RNF130: variants seen among roughly 807,000 people sequenced by gnomAD.
RNF130 encodes the protein ring finger protein 130.
Under a neutral mutation model 44.6 loss-of-function variants are expected in RNF130, and 21 were observed. The ratio of observed to expected loss-of-function variants is 0.47; its 90% confidence interval spans 0.33 to 0.68. The LOEUF is 0.68. Among genes scored for constraint, RNF130 ranks in the 30% least tolerant of loss-of-function variants. The probability of loss-of-function intolerance (pLI) is 0.02; values close to 1 mark genes in which losing one functional copy is unlikely to be tolerated. For synonymous variants in RNF130, 214 were observed against 210.4 expected, an observed-to-expected ratio of 1.02 and a Z score of -0.15; for missense variants, 479 against 560.6, an observed-to-expected ratio of 0.85 and a Z score of 1.47.
At chr5:179,938,342 G>A (rs1422359801) in intron 7 of RNF130, among the ~76,000 whole-genome samples, 13 of 152,052 alleles carry the variant, frequency 8.5e-5, no homozygotes, top group Admixed American at 2.0e-4. Flanking sequence ...CAATTCATAT[G>A]AAGCACCAGA....
intron 1 of RNF130, among the ~76,000 whole-genome samples, chr5:180,063,470 G>GA (rs903228318): frequency 5.9e-5 from 9 of 152,100 alleles, no homozygotes; most frequent in African/African-American, 1.9e-4. Context: ...ATAGGGAGGT[G>GA]AAAAAATGAA....
In RNF130 at chr5:179,982,137, AATAG is replaced by A. The variant is rs1167182686; in HGVS notation, c.694-1941_694-1938del. Reference sequence around the variant, plus strand: ...AACATCATGAGTTTTACATAAATGGAATAGATACAGTATGTACTACTGTGTGTAC... The same window carrying A: ...AACATCATGAGTTTTACATAAATGGAATACAGTATGTACTACTGTGTGTAC... On this transcript the variant is annotated intron_variant, in intron 3 of 8. Transcript: ENST00000521389. Among the ~76,000 whole-genome samples the A allele has an allele frequency of 6.6e-5, 10 of 152,140 alleles. No individual in the cohort carries two copies. In the East Asian group the frequency reaches 1.5e-3, roughly 24 times the overall value.
chr5:179,987,778 T>G (rs973320601), intron 3 of RNF130, among the ~76,000 whole-genome samples: 2 of 152,260 alleles, frequency 1.3e-5, no homozygotes, highest in Admixed American at 6.5e-5. Flanking sequence ...ACTATTGACT[T>G]GCAAATGCCA....
intron 2 of RNF130, among the ~76,000 whole-genome samples, chr5:180,027,610 A>G (rs1764021239): frequency 6.6e-6 from 1 of 152,106 alleles, no homozygotes; most frequent in Non-Finnish European, 1.5e-5. Context: ...GGACCTTTCT[A>G]TAACCACTGT....
chr5:179,983,229 AG>A (rs1264151098), intron 3 of RNF130, among the ~76,000 whole-genome samples: 3 of 152,118 alleles, frequency 2.0e-5, no homozygotes, highest in Non-Finnish European at 4.4e-5. Flanking sequence ...GCCTATTTCA[AG>A]GTTACAAAGA....
At chr5:180,026,101 A>G (rs1417931064) in intron 2 of RNF130, among the ~76,000 whole-genome samples, 1 of 150,316 alleles carries the variant, frequency 6.7e-6, no homozygotes, top group Non-Finnish European at 1.5e-5. Context: ...CATTCAACTA[A>G]TTTTGTTCAA....
intron 7 of RNF130, among the ~76,000 whole-genome samples, chr5:179,923,143 C>T (rs550406268): frequency 1.4e-4 from 22 of 152,240 alleles, no homozygotes; most frequent in African/African-American, 5.3e-4. Flanking sequence ...TTTTCTCGTA[C>T]ATGTTCATCT....
intron 2 of RNF130, among the ~76,000 whole-genome samples, chr5:180,030,723 C>T (rs1336841607): frequency 6.6e-6 from 1 of 152,148 alleles, no homozygotes; most frequent in African/African-American, 2.4e-5. Flanking sequence ...CCTACACAGC[C>T]ACTAATGTGC....
intron 7 of RNF130, chr5:179,940,222 TTTC>T (rs1761952443): frequency 6.6e-6 from 1 of 152,032 alleles, no homozygotes; most frequent in Non-Finnish European, 1.5e-5. Flanking sequence ...AATTGTTCAC[TTTC>T]TTTTTTTTCT....
Position 179,967,666 on chromosome 5 carries a change from C to T in RNF130, c.946-656G>A, listed in dbSNP as rs144475348. ...TGTAACAATGTGGCTATTTGTTTAC[C>T]TAACAACCTTTGGTTCTCTCAGCAG... On this transcript the variant is annotated intron_variant, in intron 6 of 8. Coordinates refer to ENST00000521389, the MANE Select transcript of RNF130 (RefSeq NM_018434.6). 2.5e-3 allele frequency among the ~76,000 whole-genome samples: 377 copies of T among 151,932 alleles called. 1 individual carries two copies. Among genetic ancestry groups the T allele is most frequent in the African/African-American group, 8.6e-3 (354 of 41,186 alleles).
chr5:180,022,105 T>A (rs555025237), intron 2 of RNF130, among the ~76,000 whole-genome samples: 2 of 152,348 alleles, frequency 1.3e-5, no homozygotes, highest in East Asian at 3.9e-4. Flanking sequence ...CTTTTCAGTG[T>A]ACACCACCAG....
At chr5:179,925,318 C>T (rs1294777742) in intron 7 of RNF130, among the ~76,000 whole-genome samples, 1 of 152,138 alleles carries the variant, frequency 6.6e-6, no homozygotes, top group Non-Finnish European at 1.5e-5. Flanking sequence ...CGTAATGAAG[C>T]CTCCATAAAA....
At chr5:180,069,248 T>TA (rs1561716101) in intron 1 of RNF130, among the ~76,000 whole-genome samples, 3 of 152,214 alleles carry the variant, frequency 2.0e-5, no homozygotes, top group African/African-American at 2.4e-5. Context: ...CGGATTTTTT[T>TA]AAATCTGTTT....
intron 3 of RNF130, among the ~76,000 whole-genome samples, chr5:180,004,003 T>C (rs1231196275): frequency 6.6e-6 from 1 of 152,210 alleles, no homozygotes; most frequent in East Asian, 1.9e-4. Flanking sequence ...AATCATTTTA[T>C]GAGAAAAGAA....
chr5:179,944,993 G>A (rs1309888556), intron 7 of RNF130, among the ~76,000 whole-genome samples: 1 of 152,152 alleles, frequency 6.6e-6, no homozygotes, highest in Non-Finnish European at 1.5e-5. Context: ...AGTTATAACT[G>A]GGCCAGGTGG....
At chr5:180,003,376 T>C (rs1359952934) in intron 3 of RNF130, among the ~76,000 whole-genome samples, 1 of 152,186 alleles carries the variant, frequency 6.6e-6, no homozygotes, top group Non-Finnish European at 1.5e-5. Flanking sequence ...TGAATGCATG[T>C]AGGTTATCTA....
In RNF130 at chr5:180,059,157, G is replaced by C. The variant is rs115439856; in HGVS notation, c.247+12299C>G. 4.9e-4 allele frequency among the ~76,000 whole-genome samples: 75 copies of C among 152,222 alleles called. 1 individual carries two copies. The highest frequency in any genetic ancestry group is 9.6e-4 in the Non-Finnish European group (65 of 68,012). On this transcript the variant is annotated intron_variant, in intron 1 of 8. Coordinates refer to ENST00000521389, the MANE Select transcript of RNF130 (RefSeq NM_018434.6). ...TTTCAAATTCCACAAGTACATCACAGTTTTTGCACCTTTTAGTCTTCGTGT... is the reference window on the plus strand; with the variant it reads ...TTTCAAATTCCACAAGTACATCACACTTTTTGCACCTTTTAGTCTTCGTGT...
intron 7 of RNF130, among the ~76,000 whole-genome samples, chr5:179,932,941 G>A (rs1761830934): frequency 6.6e-6 from 1 of 152,134 alleles, no homozygotes; most frequent in Admixed American, 6.5e-5. Flanking sequence ...AAATTAACAG[G>A]TTTCTGCTGA....
chr5:179,937,933 T>TGAGA lies in RNF130; in HGVS notation c.1151-17511_1151-17508dup, dbSNP rs3078901. ...GTGTGTGTGTGTGTGTGTGTGTGTG[T>TGAGA]GAGAGAGAGAGAGAGAGAGAGAGAG... On this transcript the variant is annotated intron_variant, in intron 7 of 7. Transcript: ENST00000522208. 5.6e-3 allele frequency among the ~76,000 whole-genome samples: 648 copies of TGAGA among 116,248 alleles called. 2 individuals carry two copies. Among genetic ancestry groups the TGAGA allele is most frequent in the Non-Finnish European group, 7.7e-3 (433 of 56,206 alleles). The allele number at this position is 116,248 out of a possible 152,430, so 76.3% of individuals were successfully genotyped here. A position where few individuals can be genotyped will look rare whatever the true frequency, so the allele number is the denominator to read the frequency against.
Sources: allele counts gnomAD v4.1 joint callset (sites outside exome capture counted in the v4.1 genomes callset), GRCh38; gene constraint gnomAD v4.1.1; transcripts MANE v1.5; gene names NCBI Gene and HGNC (gene_info 2026-07-23, HGNC 2026-07-21).